Variants in DNAAF3 observed in about 807,000 individuals in gnomAD.
DNAAF3 encodes UPF0470 protein C19orf51.
Under a neutral mutation model 50.9 loss-of-function variants are expected in DNAAF3, and 40 were observed. The observed-to-expected ratio is 0.79, with a 90% CI of 0.61 to 1.02. DNAAF3 has a LOEUF of 1.02. DNAAF3 is among the 50% of genes least tolerant of loss of function. The pLI is 0.00. For missense variants in DNAAF3, 763 were observed against 744.7 expected (o/e 1.02, Z -0.29); for synonymous variants, 327 against 322.8 (o/e 1.01, Z -0.14).
intron 4 of DNAAF3, chr19:55,162,886 C>G (rs138196412): frequency 1.8e-5 from 3 of 168,738 alleles, no homozygotes; most frequent in African/African-American, 7.2e-5. Flanking sequence ...TTCACTGTTA[C>G]CTCGACCACC....
At position 55,162,181 on chromosome 19, in the gene DNAAF3, G is replaced by T; in HGVS notation, c.432C>A (p.Pro144=). The change falls in exon 5 of 12, where the codon CCC becomes CCA. Residue 144 remains proline (P), a synonymous_variant. Transcript: ENST00000524407. The part of the protein sequence containing the change: ...ADLLAHLVPE[P]DRLEEQLPWL... ...AGGGCAGCTGTTCCTCCAGGCGGTC[G>T]GGCTCGGGGACCAGGTGCGCCAGCA... 6 of 1,253,394 alleles carry T rather than the reference G, an allele frequency of 4.8e-6. No individual in the cohort carries two copies. The highest frequency in any genetic ancestry group is 6.1e-6 in the Non-Finnish European group (6 of 991,500). The allele number at this position is 1,253,394 out of a possible 1,614,324, so 77.6% of individuals were successfully genotyped here. A position where few individuals can be genotyped will look rare whatever the true frequency, so the allele number is the denominator to read the frequency against.
Position 55,166,149 on chromosome 19 carries a change from G to A in DNAAF3, c.86-149C>T, listed in dbSNP as rs1337918115. On this transcript the variant is annotated intron_variant, in intron 2 of 11. Transcript: ENST00000524407. The surrounding 1 kb of genome is among the most constrained non-coding windows in gnomAD (Gnocchi z 4.0). ...GAGGTGTTTCCTCTGAGTATTCTGG[G>A]ATTCGCAGTCCGCAGACAGGACCTC... The A allele has an allele frequency of 2.6e-6, 4 of 1,554,960 alleles. No individual in the cohort carries two copies. Among genetic ancestry groups the A allele is most frequent in the Non-Finnish European group, 3.5e-6 (4 of 1,150,678 alleles).
rs766888363 is a variant in DNAAF3, at chr19:55,160,374, C to T, written c.1048+266G>A. Among the ~76,000 whole-genome samples, 3 of 152,124 alleles carry T rather than the reference C, an allele frequency of 2.0e-5. No individual in the cohort carries two copies. Among genetic ancestry groups the T allele is most frequent in the Non-Finnish European group, 4.4e-5 (3 of 68,008 alleles). ...CAGGATCCAGGGTGTGGGAGGCTGT[C>T]CAAGGGGGAGCTGGGACCCAGCACC... On this transcript the variant is annotated intron_variant, in intron 9 of 11. Coordinates refer to ENST00000524407, the MANE Select transcript of DNAAF3 (RefSeq NM_001256715.2). The surrounding 1 kb of genome is among the most constrained non-coding windows in gnomAD (Gnocchi z 4.7).
chr19:55,162,986 CTTTTCTTTTTCTTTTTTTTTT>C (rs2085865592), intron 4 of DNAAF3, among the ~76,000 whole-genome samples: 1 of 109,932 alleles, frequency 9.1e-6, no homozygotes, highest in African/African-American at 3.2e-5. Flanking sequence ...ATTTCTTTTT[CTTTTCTTTTTCTTTTTTTTTT>C]TTTTTTTTTT....
chr19:55,161,137 C>A lies in DNAAF3; in HGVS notation c.840G>T (p.Gly280=), dbSNP rs2085821235. 1.3e-6 allele frequency: 2 copies of A among 1,550,864 alleles called. No individual in the cohort carries two copies. The highest frequency in any genetic ancestry group is 1.7e-6 in the Non-Finnish European group (2 of 1,148,714). ...CTTCGATGCCGAAGGCCACGAAGGG[C>A]CCCGTGGCGATGTCCCCCCAGTACC... ...ARGYWGDIAT[G]PFVAFGIEAD... Residue 280 remains glycine (G), a synonymous_variant, in exon 8 of 12, where the codon GGG becomes GGT. Transcript: ENST00000524407. This position sits in a 1 kb window ranked among gnomAD's most constrained non-coding sequence, Gnocchi z 6.4.
chr19:55,159,624 G>A lies in DNAAF3; in HGVS notation c.1164-17C>T. 1 of 1,612,618 alleles carries A rather than the reference G, an allele frequency of 6.2e-7. No homozygotes were observed. Among genetic ancestry groups the A allele is most frequent in the African/African-American group, 1.3e-5 (1 of 75,028 alleles). On this transcript the variant is annotated splice_polypyrimidine_tract_variant and intron_variant, in intron 10 of 11. Coordinates refer to ENST00000524407, the MANE Select transcript of DNAAF3 (RefSeq NM_001256715.2). ...TGGACCATACTGCAGAGAGGACGGA[G>A]GACAGGCTGAGATTCAGCTCCAAAT...
intron 4 of DNAAF3, 29 bp from the exon 5 acceptor site, chr19:55,162,319 A>C: frequency 8.0e-7 from 1 of 1,249,492 alleles, no homozygotes; most frequent in African/African-American, 1.5e-5. Context: ...AATTGCGGGA[A>C]TGTGTGGAGG....
At chr19:55,162,394 A>AC in intron 4 of DNAAF3, 104 bp from the exon 5 acceptor site, 1 of 1,181,324 alleles carries the variant, frequency 8.5e-7, no homozygotes, top group African/African-American at 1.6e-5. Flanking sequence ...AAAACAATGA[A>AC]CCCCCGCAAA....
Position 55,161,446 on chromosome 19 carries a change from C to G in DNAAF3, c.664-28G>C. ...GGGGTGGGGGGCGGGAAGAAGGGAG[C>G]CCTCAGTGAACCGAGCGTGGAGAGA... On this transcript the variant is annotated intron_variant, in intron 6 of 11. Coordinates refer to ENST00000524407, the MANE Select transcript of DNAAF3 (RefSeq NM_001256715.2). The surrounding 1 kb of genome is among the most constrained non-coding windows in gnomAD (Gnocchi z 6.4). 6.3e-7 allele frequency: 1 copy of G among 1,577,560 alleles called. No individual in the cohort carries two copies. The highest frequency in any genetic ancestry group is 1.1e-5 in the South Asian group (1 of 87,318).
chr19:55,159,771 G>C, intron 10 of DNAAF3, 128 bp downstream of exon 10: 1 of 983,268 alleles, frequency 1.0e-6, no homozygotes, highest in Non-Finnish European at 1.2e-6. Flanking sequence ...TGAGGGAGGA[G>C]GGGCTGGGGG....
chr19:55,160,767 C>T lies in DNAAF3; in HGVS notation c.921G>A (p.Gly307=), dbSNP rs775495587. 1.3e-4 allele frequency: 208 copies of T among 1,610,196 alleles called. No homozygotes were observed. Among genetic ancestry groups the T allele is most frequent in the Non-Finnish European group, 1.7e-4 (202 of 1,179,472 alleles). The change falls in exon 9 of 12, where the codon GGG becomes GGA. Residue 307 remains glycine (G), a synonymous_variant. Transcript: ENST00000524407. This position sits in a 1 kb window ranked among gnomAD's most constrained non-coding sequence, Gnocchi z 4.7. ...CCGTCACGTTGTGTTGAGTGATCTC[C>T]CCGGCCGTCTAACAGTAGAAGGGGC... ...TSNGQPVKTA[G]EITQHNVTEL... is the part of the protein sequence containing the mutation.
In DNAAF3 at chr19:55,166,462, C is replaced by G. The variant is rs2085940832; in HGVS notation, c.-4-45G>C. ...GGAATCGCACACATTGCCCGCCCCG[C>G]TCCCCTCTCACCGCCCCTCACTTCT... is the stretch of plus-strand genomic sequence containing the variant. On this transcript the variant is annotated intron_variant, in intron 1 of 11. Coordinates refer to ENST00000524407, the MANE Select transcript of DNAAF3 (RefSeq NM_001256715.2). The surrounding 1 kb of genome is among the most constrained non-coding windows in gnomAD (Gnocchi z 4.0). 4.3e-6 allele frequency: 7 copies of G among 1,612,840 alleles called. No homozygotes were observed. The highest frequency in any genetic ancestry group is 5.1e-6 in the Non-Finnish European group (6 of 1,179,020).
chr19:55,166,691 C>T (rs199663545), upstream of DNAAF3: 7 of 1,584,534 alleles, frequency 4.4e-6, no homozygotes, highest in African/African-American at 8.1e-5. The surrounding 1 kb of genome is among the most constrained non-coding windows in gnomAD (Gnocchi z 4.0). Context: ...TGAGAGTGAG[C>T]GAGGCCCGCC....
At chr19:55,162,832 G>T (rs745982659) in intron 4 of DNAAF3, 3 of 315,784 alleles carry the variant, frequency 9.5e-6, no homozygotes, top group Non-Finnish European at 1.4e-5. Context: ...TTGAGACAGT[G>T]TCTCACTCTG....
At chr19:55,164,244 G>T (rs1388112729) in intron 4 of DNAAF3, among the ~76,000 whole-genome samples, 1 of 152,100 alleles carries the variant, frequency 6.6e-6, no homozygotes, top group Non-Finnish European at 1.5e-5. Flanking sequence ...ACTTTGGCAG[G>T]CCAAGGCGGG....
At position 55,165,908 on chromosome 19, in the gene DNAAF3, G is replaced by C. The variant is rs367839631; in HGVS notation, c.178C>G (p.Leu60Val). 26 of 1,614,106 alleles carry C rather than the reference G, an allele frequency of 1.6e-5. No homozygotes were observed. Among genetic ancestry groups the C allele is most frequent in the East Asian group, 6.7e-5 (3 of 44,902 alleles). ...TTCGCTCGGGACAGGGTCCGCAGCAGGTGCCGTCCATCCACAGAGCCCAGA... is the reference window on the plus strand; with the variant it reads ...TTCGCTCGGGACAGGGTCCGCAGCACGTGCCGTCCATCCACAGAGCCCAGA... ...LLLGSVDGRH[L>V]LRTLSRAKFW... Residue 60 changes from leucine to valine, a missense_variant, in exon 3 of 12, where the codon CTG becomes GTG. By Grantham distance (32) the Leu-to-Val change is conservative (BLOSUM62 1). Transcript: ENST00000524407.
At chr19:55,165,564 A>AG in intron 3 of DNAAF3, 101 bp from the exon 4 acceptor site, 1 of 1,155,824 alleles carries the variant, frequency 8.7e-7, no homozygotes, top group Non-Finnish European at 1.3e-6. Flanking sequence ...CACACACCCG[A>AG]GTTCTGTACA....
At chr19:55,166,676 A>G (rs779691461), upstream of DNAAF3, 10 of 1,599,308 alleles carry the variant, frequency 6.3e-6, no homozygotes, top group African/African-American at 4.0e-5. This position sits in a 1 kb window ranked among gnomAD's most constrained non-coding sequence, Gnocchi z 4.0. Flanking sequence ...CGAGCAACTG[A>G]CCAATGAGAG....
In DNAAF3 at chr19:55,161,232, G is replaced by C. The variant is rs1188411792; in HGVS notation, c.790-45C>G. 6.3e-7 allele frequency: 1 copy of C among 1,593,278 alleles called. No individual in the cohort carries two copies. Among genetic ancestry groups the C allele is most frequent in the Non-Finnish European group, 8.6e-7 (1 of 1,166,910 alleles). ...GGAGGCAGGTGAGGTCGATGTTGGG[G>C]CCCCTGACTCCTAGGACTCCGAGCA... is the stretch of plus-strand genomic sequence containing the variant. On this transcript the variant is annotated intron_variant, in intron 7 of 11. Coordinates refer to ENST00000524407, the MANE Select transcript of DNAAF3 (RefSeq NM_001256715.2). The surrounding 1 kb of genome is among the most constrained non-coding windows in gnomAD (Gnocchi z 6.4).
Sources: gnomAD v4.1 joint callset for allele counts (sites outside exome capture counted in the v4.1 genomes callset) on GRCh38, gnomAD v4.1.1 for gene constraint, Gnocchi (gnomAD v3.1) non-coding constraint, MANE v1.5 for transcripts, NCBI Gene and HGNC (gene_info 2026-07-23, HGNC 2026-07-21) for gene names.